The following STIMATE variants were observed in gnomAD, a reference collection of about 807,000 sequenced individuals.
The protein encoded by STIMATE is STIM activating enhancer.
Under a neutral mutation model 36.7 loss-of-function variants are expected in STIMATE, and 15 were observed. The ratio of observed to expected loss-of-function variants is 0.41; its 90% CI spans 0.27 to 0.63. The LOEUF (loss-of-function observed/expected upper bound fraction) is 0.63, where lower values mean the gene tolerates loss of function less well. STIMATE is among the 20% of genes least tolerant of loss of function. The probability of loss-of-function intolerance (pLI) is 0.32; values close to 1 mark genes in which losing one functional copy is unlikely to be tolerated. For synonymous variants in STIMATE, 163 were observed against 162.3 expected (o/e 1.00, Z -0.03); for missense variants, 305 against 397.3 (o/e 0.77, Z 1.98).
intron 1 of STIMATE, among the ~76,000 whole-genome samples, chr3:52,893,944 C>G (rs1232721681): frequency 1.3e-5 from 2 of 152,196 alleles, no homozygotes; most frequent in Admixed American, 1.3e-4. Context: ...GCCAACACGA[C>G]CTTTGGCTGA....
In STIMATE at chr3:52,837,383, C is replaced by T. The variant is rs1700721906; in HGVS notation, c.*3111G>A. 1 of 152,290 alleles carries T rather than the reference C, an allele frequency of 6.6e-6. No individual in the cohort carries two copies. The highest frequency in any genetic ancestry group is 1.5e-5 in the Non-Finnish European group (1 of 68,096). 9.4% of individuals were successfully genotyped at this position (152,290 alleles called of 1,614,324 possible). A position where few individuals can be genotyped will look rare whatever the true frequency, so the allele number is the denominator to read the frequency against. ...CTGAAGAAAGAGGCATGACAGGTGACATTAACCCATGACTCCCTGTTGCCA... is the reference window on the plus strand; with the variant it reads ...CTGAAGAAAGAGGCATGACAGGTGATATTAACCCATGACTCCCTGTTGCCA... On this transcript the variant is annotated 3_prime_UTR_variant, in exon 8 of 8. Coordinates refer to ENST00000355083, the MANE Select transcript of STIMATE (RefSeq NM_198563.5).
chr3:52,859,537 T>TAAAAA, intron 1 of STIMATE, among the ~76,000 whole-genome samples: 1 of 114,884 alleles, frequency 8.7e-6, no homozygotes, highest in African/African-American at 4.0e-5. Flanking sequence ...AAAAATTTTT[T>TAAAAA]TTTTTTTTTT....
chr3:52,843,282 A>C, intron 6 of STIMATE: 1 of 411,506 alleles, frequency 2.4e-6, no homozygotes, highest in Non-Finnish European at 4.4e-6. Context: ...CACAGACTCC[A>C]TGTGGGTGGC....
chr3:52,897,264 C>G, intron 1 of STIMATE, 27 bp downstream of exon 1: 1 of 1,533,700 alleles, frequency 6.5e-7, no homozygotes, highest in Non-Finnish European at 8.7e-7. Context: ...GCAGGGCCTC[C>G]GGAGGGTCGG....
intron 1 of STIMATE, among the ~76,000 whole-genome samples, chr3:52,870,467 C>T (rs1307742520): frequency 6.6e-6 from 1 of 151,936 alleles, no homozygotes; most frequent in African/African-American, 2.4e-5. Flanking sequence ...CTCTGTCAGC[C>T]CAAAGGCTGA....
In STIMATE at chr3:52,896,502, G is replaced by T. The variant is rs1701868142; in HGVS notation, c.160+789C>A. 3.3e-5 allele frequency among the ~76,000 whole-genome samples: 5 copies of T among 152,144 alleles called. No homozygotes were observed. In the South Asian group the frequency reaches 1.0e-3, roughly 32 times the overall value. ...CATCAGCACACATGAGAACAGGGTG[G>T]GGGCTTCCTTCTCTATTCAGCCACT... On this transcript the variant is annotated intron_variant, in intron 1 of 7. Transcript: ENST00000355083.
chr3:52,891,881 T>C (rs796443529), intron 1 of STIMATE, among the ~76,000 whole-genome samples: 9 of 152,352 alleles, frequency 5.9e-5, no homozygotes, highest in African/African-American at 2.2e-4. Flanking sequence ...AACATGTGCC[T>C]GACACCAACC....
chr3:52,867,533 G>C (rs1701331950), intron 1 of STIMATE, among the ~76,000 whole-genome samples: 1 of 152,226 alleles, frequency 6.6e-6, no homozygotes, highest in African/African-American at 2.4e-5. Flanking sequence ...CAATGACCCG[G>C]AGGCAGAAAC....
rs1248970292 is a variant in STIMATE, at chr3:52,897,413, G to C, written c.38C>G (p.Pro13Arg). 1 of 1,462,396 alleles carries C rather than the reference G, an allele frequency of 6.8e-7. No individual in the cohort carries two copies. The highest frequency in any genetic ancestry group is 1.3e-5 in the South Asian group (1 of 75,298). The allele number at this position is 1,462,396 out of a possible 1,614,324, so 90.6% of individuals were successfully genotyped here. ...GPAGNASRGL[P>R]GGPPSTVASG... ...CGCGACTGTGGAGGGCGGCCCGCCTGGCAGTCCCCGGCTCGCGTTCCCGGC... is the reference window on the plus strand; with the variant it reads ...CGCGACTGTGGAGGGCGGCCCGCCTCGCAGTCCCCGGCTCGCGTTCCCGGC... Residue 13 changes from proline (P) to arginine (R), a missense_variant, in exon 1 of 8, where the codon CCA (proline) becomes CGA (arginine). Pro to Arg is a moderately radical substitution (Grantham distance 103). Coordinates refer to ENST00000355083, the MANE Select transcript of STIMATE (RefSeq NM_198563.5).
At chr3:52,844,783 C>T (rs1200842339) in intron 5 of STIMATE, 46 bp downstream of exon 5, 1 of 1,603,638 alleles carries the variant, frequency 6.2e-7, no homozygotes, top group Non-Finnish European at 8.5e-7. Context: ...GGAAGTGCTG[C>T]TTGCTCAGCG....
At chr3:52,846,268 C>A (rs904587399) in intron 4 of STIMATE, among the ~76,000 whole-genome samples, 2 of 152,236 alleles carry the variant, frequency 1.3e-5, no homozygotes, top group African/African-American at 2.4e-5. Flanking sequence ...GCCAAAAAAC[C>A]CATTTCATAA....
Position 52,838,481 on chromosome 3 carries a change from C to T in STIMATE, c.*2013G>A, listed in dbSNP as rs1700744329. 6.6e-6 allele frequency: 1 copy of T among 152,240 alleles called. No homozygotes were observed. The highest frequency in any genetic ancestry group is 2.4e-5 in the African/African-American group (1 of 41,460). The allele number at this position is 152,240 out of a possible 1,614,324, so 9.4% of individuals were successfully genotyped here. On this transcript the variant is annotated 3_prime_UTR_variant, in exon 8 of 8. Transcript: ENST00000355083. ...GAGGGAATGACCGTCCTGTCAGGAA[C>T]ATGAGTCTTGGTCTTCCTAAATTCG...
At chr3:52,885,771 G>T (rs923796572) in intron 1 of STIMATE, among the ~76,000 whole-genome samples, 1 of 152,174 alleles carries the variant, frequency 6.6e-6, no homozygotes, top group Non-Finnish European at 1.5e-5. Flanking sequence ...GCTGGGCTTC[G>T]CTTGGGTTCC....
chr3:52,876,597 G>A (rs1039650211), intron 1 of STIMATE, among the ~76,000 whole-genome samples: 2 of 152,138 alleles, frequency 1.3e-5, no homozygotes, highest in African/African-American at 4.8e-5. Flanking sequence ...AAGATCAAGA[G>A]GATGAAAACC....
chr3:52,844,544 G>A (rs919916421), intron 5 of STIMATE, among the ~76,000 whole-genome samples: 2 of 152,324 alleles, frequency 1.3e-5, no homozygotes, highest in Non-Finnish European at 1.5e-5. Flanking sequence ...ATGTATTGTC[G>A]CAAGGCCTAA....
chr3:52,887,999 T>TG (rs202166636), intron 1 of STIMATE, among the ~76,000 whole-genome samples: 12,722 of 130,118 alleles, frequency 0.098, 1,043 homozygotes, highest in Non-Finnish European at 0.13. Context: ...AATCAGTTTT[T>TG]TTTTTTTTTT....
chr3:52,895,629 C>T (rs1399772944), intron 1 of STIMATE, among the ~76,000 whole-genome samples: 3 of 152,200 alleles, frequency 2.0e-5, no homozygotes, highest in South Asian at 2.1e-4. Flanking sequence ...ACATTCAACC[C>T]GATACACTTC....
At chr3:52,872,921 C>T (rs763058146) in intron 1 of STIMATE, among the ~76,000 whole-genome samples, 6 of 152,204 alleles carry the variant, frequency 3.9e-5, no homozygotes, top group Non-Finnish European at 5.9e-5. Context: ...CCACCACGCC[C>T]GGCAACCATA....
At chr3:52,852,838 C>A in intron 2 of STIMATE, 140 bp from the exon 3 acceptor site, 1 of 992,764 alleles carries the variant, frequency 1.0e-6, no homozygotes, top group Non-Finnish European at 1.5e-6. Flanking sequence ...GCCTTGAGCA[C>A]TAACTCAGGC....
Sources: gnomAD v4.1 joint callset for allele counts (sites outside exome capture counted in the v4.1 genomes callset) on GRCh38, gnomAD v4.1.1 for gene constraint, MANE v1.5 for transcripts, NCBI Gene and HGNC (gene_info 2026-07-23, HGNC 2026-07-21) for gene names.